Variants in PSPC1 observed in about 807,000 individuals in gnomAD.
PSPC1 encodes paraspeckle protein 1.
Under a neutral mutation model 51.6 loss-of-function variants are expected in PSPC1, and 14 were observed. That is an observed-to-expected ratio of 0.27 (90% CI 0.18 to 0.42). The LOEUF (loss-of-function observed/expected upper bound fraction) is 0.42, where lower values mean the gene tolerates loss of function less well. Ranked by LOEUF, PSPC1 falls within the 10% of genes least tolerant of loss-of-function variation. The pLI is 1.00. For missense variants in PSPC1, 406 were observed against 701.1 expected (o/e 0.58, Z 4.75); for synonymous variants, 193 against 231.9 (o/e 0.83, Z 1.53).
At chr13:19,678,324 T>TA (rs1280614325) in intron 6 of PSPC1, 4 of 154,252 alleles carry the variant, frequency 2.6e-5, no homozygotes, top group African/African-American at 7.2e-5. Context: ...AAAAGACTCT[T>TA]ACCCTAGTAA....
At chr13:19,719,548 G>A (rs1882521125) in intron 6 of PSPC1, among the ~76,000 whole-genome samples, 2 of 152,146 alleles carry the variant, frequency 1.3e-5, no homozygotes, top group African/African-American at 4.8e-5. Context: ...AATCAGAAAT[G>A]GAGGCAACGA....
rs1280464334 is a variant in PSPC1, at chr13:19,749,715, C to T, written c.967+1556G>A. Among the ~76,000 whole-genome samples the T allele has an allele frequency of 5.3e-5, 8 of 150,844 alleles. No homozygotes were observed. The East Asian group carries it at 1.4e-3, about 26-fold the overall frequency. ...GTGCAGTGGCGTGATCTCGGCTTAC[C>T]GCAACCTCCACCTCCTGGGTTCAAG... On this transcript the variant is annotated intron_variant, in intron 4 of 8. Coordinates refer to ENST00000338910, the MANE Select transcript of PSPC1 (RefSeq NM_001354909.2).
chr13:19,693,251 T>C (rs1418534294), intron 6 of PSPC1, among the ~76,000 whole-genome samples: 3 of 152,204 alleles, frequency 2.0e-5, no homozygotes, highest in Non-Finnish European at 4.4e-5. Flanking sequence ...AACGCTATCA[T>C]CTTAGTGAAA....
chr13:19,751,780 G>A (rs1366679229), intron 3 of PSPC1, among the ~76,000 whole-genome samples: 4 of 152,160 alleles, frequency 2.6e-5, no homozygotes, highest in Admixed American at 6.6e-5. Context: ...TTTACAGGCC[G>A]GGCGCAGTGG....
At position 19,741,652 on chromosome 13, in the gene PSPC1, AT is replaced by A; in HGVS notation, c.968-4del. On this transcript the variant is annotated splice_polypyrimidine_tract_variant and splice_region_variant and intron_variant, in intron 4 of 8. Coordinates refer to ENST00000338910, the MANE Select transcript of PSPC1 (RefSeq NM_001354909.2). ...TTCTTCTTGACGCCTCATTAGATCT[AT>A]AAAATAATGACTGCACATTAATATT... is the stretch of plus-strand genomic sequence containing the variant. 1.3e-6 allele frequency: 2 copies of A among 1,563,276 alleles called. No individual in the cohort carries two copies. The highest frequency in any genetic ancestry group is 1.7e-6 in the Non-Finnish European group (2 of 1,145,752).
chr13:19,766,530 A>C (rs1461064416), intron 2 of PSPC1, among the ~76,000 whole-genome samples: 1 of 152,020 alleles, frequency 6.6e-6, no homozygotes, highest in East Asian at 1.9e-4. Context: ...ACAAAAAGTA[A>C]AAAAATTAGC....
At chr13:19,732,536 C>T (rs527808127) in intron 5 of PSPC1, among the ~76,000 whole-genome samples, 1 of 152,202 alleles carries the variant, frequency 6.6e-6, no homozygotes, top group South Asian at 2.1e-4. Context: ...AAAACATTCA[C>T]ACTCTGGAGG....
chr13:19,768,081 C>G (rs1477785127), intron 2 of PSPC1, among the ~76,000 whole-genome samples: 1 of 151,498 alleles, frequency 6.6e-6, no homozygotes, highest in Non-Finnish European at 1.5e-5. Context: ...AAAAATTAGC[C>G]AGGCATGGTG....
In PSPC1 at chr13:19,782,255, G is replaced by C. The variant is rs1479538059; in HGVS notation, c.372+131C>G. On this transcript the variant is annotated intron_variant, in intron 1 of 8. Coordinates refer to ENST00000338910, the MANE Select transcript of PSPC1 (RefSeq NM_001354909.2). This position sits in a 1 kb window ranked among gnomAD's most constrained non-coding sequence, Gnocchi z 4.5. ...GCGGCCAACCCCGCACAGAGGAATC[G>C]ATGAGGCCGAGCGGCGCCACGGTTG... The C allele has an allele frequency of 4.4e-6, 6 of 1,366,086 alleles. No individual in the cohort carries two copies. The highest frequency in any genetic ancestry group is 3.0e-5 in the African/African-American group (2 of 66,204). 84.6% of individuals were successfully genotyped at this position (1,366,086 alleles called of 1,614,324 possible).
intron 6 of PSPC1, among the ~76,000 whole-genome samples, chr13:19,693,815 C>T (rs779839560): frequency 3.9e-5 from 6 of 152,120 alleles, no homozygotes; most frequent in Non-Finnish European, 4.4e-5. Context: ...CACACTGACA[C>T]TTAACTATGA....
chr13:19,698,483 A>G (rs75855296), downstream of PSPC1, among the ~76,000 whole-genome samples: 526 of 152,054 alleles, frequency 3.5e-3, 16 homozygotes, highest in East Asian at 0.067. Flanking sequence ...ATATTAAAAT[A>G]TGAAGAAAAT....
chr13:19,687,772 C>T lies in PSPC1; in HGVS notation c.1159-9949G>A, dbSNP rs371798358. ...GTGCTCTCACTTCCTGCAGTTAAGG[C>T]CATTCAAATGCATCCCACTGCCAAT... On this transcript the variant is annotated intron_variant and NMD_transcript_variant, in intron 6 of 7. Coordinates refer to the PSPC1 transcript ENST00000471658. 3.9e-5 allele frequency among the ~76,000 whole-genome samples: 6 copies of T among 152,232 alleles called. No individual in the cohort carries two copies. The East Asian group carries it at 1.2e-3, about 29-fold the overall frequency.
intron 1 of PSPC1, among the ~76,000 whole-genome samples, chr13:19,778,354 C>A (rs563317480): frequency 3.3e-3 from 190 of 56,780 alleles, no homozygotes; most frequent in Middle Eastern, 0.012. Flanking sequence ...CATATTAAGA[C>A]CTCTCCCTCT....
At chr13:19,728,522 G>GT (rs374074029) in intron 6 of PSPC1, among the ~76,000 whole-genome samples, 3 of 150,908 alleles carry the variant, frequency 2.0e-5, no homozygotes, top group African/African-American at 7.4e-5. Flanking sequence ...TCCAAAGACA[G>GT]TTTTCAAAGT....
intron 7 of PSPC1, among the ~76,000 whole-genome samples, chr13:19,676,366 C>A (rs538412141): frequency 6.6e-6 from 1 of 152,120 alleles, no homozygotes; most frequent in Non-Finnish European, 1.5e-5. Context: ...TCCCAGATGG[C>A]GATGCTGCTG....
intron 2 of PSPC1, among the ~76,000 whole-genome samples, chr13:19,765,689 T>C (rs1381492824): frequency 6.7e-6 from 1 of 149,258 alleles, no homozygotes; most frequent in African/African-American, 2.5e-5. Context: ...TAAGGAAGTA[T>C]CAGTCTTTAC....
chr13:19,705,978 T>C, intron 7 of PSPC1, 147 bp from the exon 8 acceptor site: 1 of 556,806 alleles, frequency 1.8e-6, no homozygotes. Flanking sequence ...ATCTACTCTG[T>C]AATAGGGTAT....
At chr13:19,713,529 C>T (rs531669094) in intron 6 of PSPC1, among the ~76,000 whole-genome samples, 3 of 111,350 alleles carry the variant, frequency 2.7e-5, no homozygotes, top group African/African-American at 9.9e-5. Context: ...CAACATATCT[C>T]CATGTCCCAG....
intron 4 of PSPC1, among the ~76,000 whole-genome samples, chr13:19,749,450 A>G (rs1458475686): frequency 6.6e-6 from 1 of 150,572 alleles, no homozygotes; most frequent in Non-Finnish European, 1.5e-5. Context: ...TTGCCTCAAC[A>G]TGGGAGGCGG....
Sources: gnomAD v4.1 joint callset for allele counts (sites outside exome capture counted in the v4.1 genomes callset) on GRCh38, gnomAD v4.1.1 for gene constraint, Gnocchi (gnomAD v3.1) non-coding constraint, MANE v1.5 for transcripts, NCBI Gene and HGNC (gene_info 2026-07-23, HGNC 2026-07-21) for gene names.